SPATS2: variants seen among roughly 807,000 people sequenced by gnomAD.
SPATS2 encodes the protein spermatogenesis-associated serine-rich protein 2.
SPATS2 carries 38 observed loss-of-function variants against 63.7 expected under a neutral mutation model. That is an observed-to-expected ratio of 0.60 (90% CI 0.46 to 0.78). The LOEUF is 0.78. Among genes scored for constraint, SPATS2 ranks in the 30% least tolerant of loss-of-function variants. The pLI, the probability that SPATS2 is intolerant of heterozygous loss-of-function variation, is 0.00. For synonymous variants in SPATS2, 207 were observed against 232.9 expected (o/e 0.89, Z 1.01); for missense variants, 588 against 666.2 (o/e 0.88, Z 1.29).
chr12:49,371,328 G>A (rs953110701), intron 2 of SPATS2, 38 bp downstream of exon 2: 1 of 152,158 alleles, frequency 6.6e-6, no homozygotes. Flanking sequence ...TTTTGTGTCT[G>A]GTGTGTACCA....
intron 2 of SPATS2, among the ~76,000 whole-genome samples, chr12:49,428,513 T>G (rs1945124240): frequency 6.6e-6 from 1 of 152,212 alleles, no homozygotes; most frequent in South Asian, 2.1e-4. Flanking sequence ...CTCATATAAA[T>G]GGAATGATAT....
At chr12:49,433,998 G>A (rs1007920416) in intron 2 of SPATS2, among the ~76,000 whole-genome samples, 1 of 152,152 alleles carries the variant, frequency 6.6e-6, no homozygotes, top group Admixed American at 6.5e-5. Context: ...TTTGCATGTA[G>A]ATATCCAGTT....
At chr12:49,514,497 C>G in intron 9 of SPATS2, 58 bp from the exon 10 acceptor site, 1 of 1,515,604 alleles carries the variant, frequency 6.6e-7, no homozygotes, top group Non-Finnish European at 9.1e-7. Context: ...TAATAATGTG[C>G]TAATTTTGTA....
chr12:49,499,809 A>G (rs1035799995), intron 8 of SPATS2, among the ~76,000 whole-genome samples: 5 of 152,092 alleles, frequency 3.3e-5, no homozygotes, highest in Non-Finnish European at 7.4e-5. Context: ...TCTGAAAACC[A>G]TTGTTTCATA....
At chr12:49,446,926 T>A (rs184044397) in intron 2 of SPATS2, among the ~76,000 whole-genome samples, 2 of 150,018 alleles carry the variant, frequency 1.3e-5, no homozygotes, top group African/African-American at 2.5e-5. Flanking sequence ...TATTTTCTTT[T>A]CTTTTCTTTT....
intron 3 of SPATS2, among the ~76,000 whole-genome samples, chr12:49,468,160 T>C (rs1033419338): frequency 4.0e-5 from 6 of 151,296 alleles, no homozygotes; most frequent in Non-Finnish European, 8.8e-5. Flanking sequence ...TTCTTGTTTT[T>C]TTTTTTCTTT....
chr12:49,384,214 C>T (rs1239235473), intron 2 of SPATS2, among the ~76,000 whole-genome samples: 1 of 152,210 alleles, frequency 6.6e-6, no homozygotes, highest in Non-Finnish European at 1.5e-5. Flanking sequence ...AATCTTCTTG[C>T]CTCGGCCTCC....
chr12:49,458,021 C>T (rs1440641847), intron 2 of SPATS2, among the ~76,000 whole-genome samples: 1 of 152,124 alleles, frequency 6.6e-6, no homozygotes, highest in Admixed American at 6.5e-5. Flanking sequence ...AAAACTTTCG[C>T]AGAATTACCT....
At chr12:49,481,366 A>G (rs1049336974) in intron 3 of SPATS2, among the ~76,000 whole-genome samples, 1 of 152,196 alleles carries the variant, frequency 6.6e-6, no homozygotes. Flanking sequence ...GTCTCCAGAA[A>G]AAAAAGAAAG....
intron 2 of SPATS2, among the ~76,000 whole-genome samples, chr12:49,447,267 T>A (rs1945529048): frequency 6.8e-6 from 1 of 147,182 alleles, no homozygotes; most frequent in African/African-American, 2.5e-5. Context: ...TGAGACAGAG[T>A]CTCGCTTTGT....
intron 9 of SPATS2, among the ~76,000 whole-genome samples, chr12:49,504,763 T>TTTCC (rs1946627446): frequency 7.3e-6 from 1 of 136,322 alleles, no homozygotes; most frequent in African/African-American, 3.2e-5. Context: ...CTTTTCTTTC[T>TTTCC]TTCTTTCTTT....
At chr12:49,442,134 C>T (rs2137557233) in intron 2 of SPATS2, among the ~76,000 whole-genome samples, 1 of 152,274 alleles carries the variant, frequency 6.6e-6, no homozygotes, top group African/African-American at 2.4e-5. Context: ...GCCCAGCTGA[C>T]ACCCAAGATA....
chr12:49,495,058 C>T, intron 7 of SPATS2, 56 bp downstream of exon 7: 1 of 1,452,286 alleles, frequency 6.9e-7, no homozygotes, highest in Non-Finnish European at 9.1e-7. Flanking sequence ...ACAGGGTTCT[C>T]CTCGTTGAGA....
At chr12:49,471,367 C>A (rs971665508) in intron 3 of SPATS2, among the ~76,000 whole-genome samples, 2 of 152,194 alleles carry the variant, frequency 1.3e-5, no homozygotes, top group Non-Finnish European at 2.9e-5. Context: ...GAGACAGAGC[C>A]TTGCTCCATC....
At chr12:49,525,691 C>G (rs1328400245) in intron 13 of SPATS2, among the ~76,000 whole-genome samples, 2 of 152,170 alleles carry the variant, frequency 1.3e-5, no homozygotes, top group African/African-American at 4.8e-5. Context: ...CCTTATCTTT[C>G]TTCTTGCATC....
chr12:49,420,282 A>G (rs1944957093), intron 2 of SPATS2, among the ~76,000 whole-genome samples: 1 of 152,208 alleles, frequency 6.6e-6, no homozygotes, highest in African/African-American at 2.4e-5. Context: ...ACAGGCAAAA[A>G]TCTTGATTTT....
chr12:49,483,471 A>G (rs1193198937), intron 3 of SPATS2, among the ~76,000 whole-genome samples: 1 of 152,190 alleles, frequency 6.6e-6, no homozygotes, highest in African/African-American at 2.4e-5. Flanking sequence ...GTCATCTAGA[A>G]AACTGAAGCT....
At chr12:49,496,442 G>A (rs915772762) in intron 7 of SPATS2, among the ~76,000 whole-genome samples, 9 of 152,230 alleles carry the variant, frequency 5.9e-5, no homozygotes, top group Non-Finnish European at 1.0e-4. Flanking sequence ...TTCTTTCCTC[G>A]AGAGAGTTTA....
In SPATS2 at chr12:49,392,836, G is replaced by A. The variant is rs556776902; in HGVS notation, c.-244+21546G>A. ...GGAAGCTGAGTTGGGTGGATCACCT[G>A]AGGTCAGGAGTTTGAGACCAGCCTG... On this transcript the variant is annotated intron_variant, in intron 2 of 13. Transcript: ENST00000552918. Among the ~76,000 whole-genome samples the A allele has an allele frequency of 6.5e-4, 98 of 151,916 alleles. 1 individual carries two copies. The highest frequency in any genetic ancestry group is 2.1e-3 in the African/African-American group (88 of 41,424).
Sources: allele counts gnomAD v4.1 joint callset (sites outside exome capture counted in the v4.1 genomes callset), GRCh38; gene constraint gnomAD v4.1.1; transcripts MANE v1.5; gene names NCBI Gene and HGNC (gene_info 2026-07-23, HGNC 2026-07-21).